The following OLFM3 variants were observed in gnomAD, a reference collection of about 807,000 sequenced individuals.
OLFM3 encodes noelin-3.
OLFM3 carries 20 observed loss-of-function variants against 48.6 expected under a neutral mutation model. The ratio of observed to expected loss-of-function variants is 0.41; its 90% CI spans 0.29 to 0.60. OLFM3 has a LOEUF of 0.60. Ranked by LOEUF, OLFM3 falls within the 20% of genes least tolerant of loss-of-function variation. The pLI is 0.28. For missense variants in OLFM3, 437 were observed against 544.3 expected (o/e 0.80, Z 1.96); for synonymous variants, 222 against 198.1 (o/e 1.12, Z -1.01).
chr1:101,970,070 C>T (rs1660737492), intron 1 of OLFM3, among the ~76,000 whole-genome samples: 1 of 151,326 alleles, frequency 6.6e-6, no homozygotes. Context: ...GGCTGGAGTG[C>T]AGTGGCTTGA....
At chr1:101,915,845 C>T (rs888046271) in intron 1 of OLFM3, among the ~76,000 whole-genome samples, 3 of 152,018 alleles carry the variant, frequency 2.0e-5, no homozygotes, top group Non-Finnish European at 2.9e-5. Context: ...TGAATTAATG[C>T]CAGATTTATC....
At chr1:101,974,415 T>A (rs1660892524) in intron 1 of OLFM3, among the ~76,000 whole-genome samples, 1 of 152,202 alleles carries the variant, frequency 6.6e-6, no homozygotes, top group Non-Finnish European at 1.5e-5. Flanking sequence ...ATTCCTCAGA[T>A]CAATAATTTC....
chr1:101,915,124 C>T (rs181731470), intron 1 of OLFM3, among the ~76,000 whole-genome samples: 48 of 152,104 alleles, frequency 3.2e-4, no homozygotes, highest in African/African-American at 8.7e-4. Flanking sequence ...ATTCAGTGTA[C>T]GCAATACAAC....
intron 1 of OLFM3, among the ~76,000 whole-genome samples, chr1:101,857,133 A>G (rs905348496): frequency 4.6e-5 from 7 of 151,988 alleles, no homozygotes; most frequent in African/African-American, 1.5e-4. Flanking sequence ...TTCTTTGTCA[A>G]TGTACATCTG....
At chr1:101,837,386 TAAC>T (rs894094588) in intron 1 of OLFM3, among the ~76,000 whole-genome samples, 31 of 152,256 alleles carry the variant, frequency 2.0e-4, no homozygotes, top group African/African-American at 7.2e-4. Context: ...AAGATCTTCT[TAAC>T]AGTAAATGAC....
chr1:101,922,283 C>T (rs143018322), intron 1 of OLFM3, among the ~76,000 whole-genome samples: 6 of 152,164 alleles, frequency 3.9e-5, no homozygotes, highest in East Asian at 3.9e-4. Flanking sequence ...ACATGTAAAG[C>T]GCTTTAGTTT....
intron 1 of OLFM3, among the ~76,000 whole-genome samples, chr1:101,861,568 T>C (rs1656658274): frequency 6.6e-6 from 1 of 152,216 alleles, no homozygotes; most frequent in Non-Finnish European, 1.5e-5. Context: ...GATAAAGCTA[T>C]TCCCATATGA....
At chr1:101,898,145 GT>G (rs1367510063) in intron 1 of OLFM3, among the ~76,000 whole-genome samples, 2 of 152,112 alleles carry the variant, frequency 1.3e-5, no homozygotes, top group Non-Finnish European at 2.9e-5. Context: ...GAAAAAAAGT[GT>G]TTTGGAGAAG....
At chr1:101,996,651 T>C (rs1461984018) in intron 1 of OLFM3, 97 bp downstream of exon 1, 3 of 1,262,302 alleles carry the variant, frequency 2.4e-6, no homozygotes, top group Non-Finnish European at 3.4e-6. Context: ...GAAAGAGCTG[T>C]CTCTCGTCCC....
intron 1 of OLFM3, among the ~76,000 whole-genome samples, chr1:101,858,126 T>A (rs1656504681): frequency 6.6e-6 from 1 of 152,110 alleles, no homozygotes; most frequent in Non-Finnish European, 1.5e-5. Flanking sequence ...TAGCTTTTTC[T>A]TACAGGACTG....
At chr1:101,978,632 G>A (rs1354576553) in intron 1 of OLFM3, among the ~76,000 whole-genome samples, 2 of 152,010 alleles carry the variant, frequency 1.3e-5, no homozygotes, top group Non-Finnish European at 2.9e-5. Flanking sequence ...GATCATTGAG[G>A]TTTCACTCTT....
chr1:101,933,739 A>C (rs775990744), intron 1 of OLFM3, among the ~76,000 whole-genome samples: 15 of 152,166 alleles, frequency 9.9e-5, no homozygotes, highest in Non-Finnish European at 1.5e-4. Context: ...CTACAAAGGG[A>C]ACCCCATCAG....
chr1:101,972,291 C>G lies in OLFM3; in HGVS notation c.69+24457G>C, dbSNP rs115995648. ...TCTCACTTTATAGTAGAAATTATCC[C>G]TTTGTGAATACTGAATGTCTTTATC... On this transcript the variant is annotated intron_variant, in intron 1 of 5. Transcript: ENST00000370103. Among the ~76,000 whole-genome samples the G allele has an allele frequency of 6.8e-3, 1,040 of 152,244 alleles. 10 individuals carry two copies. The highest frequency in any genetic ancestry group is 0.024 in the African/African-American group (996 of 41,558).
intron 1 of OLFM3, among the ~76,000 whole-genome samples, chr1:101,940,166 T>C (rs891417236): frequency 6.6e-5 from 10 of 152,202 alleles, no homozygotes; most frequent in African/African-American, 9.6e-5. Context: ...GGAGAAGTTA[T>C]AGAGAGATGT....
intron 1 of OLFM3, among the ~76,000 whole-genome samples, chr1:101,925,147 G>C (rs1010712633): frequency 6.6e-6 from 1 of 152,128 alleles, no homozygotes; most frequent in Non-Finnish European, 1.5e-5. Context: ...GCTTGGGAAG[G>C]AGAATAGAAT....
intron 1 of OLFM3, among the ~76,000 whole-genome samples, chr1:101,859,448 T>A (rs1387005753): frequency 6.6e-6 from 1 of 152,048 alleles, no homozygotes; most frequent in Non-Finnish European, 1.5e-5. Context: ...ATTTTGTGAA[T>A]AATTAGATGC....
At chr1:101,910,188 C>A (rs1452923419) in intron 1 of OLFM3, 3 of 967,242 alleles carry the variant, frequency 3.1e-6, no homozygotes, top group Non-Finnish European at 3.7e-6. Context: ...CATTCTCGAC[C>A]GGGCGCGGTC....
intron 1 of OLFM3, among the ~76,000 whole-genome samples, chr1:101,990,675 T>C (rs1369337344): frequency 6.6e-6 from 1 of 151,952 alleles, no homozygotes; most frequent in Non-Finnish European, 1.5e-5. Context: ...CATAATAGCA[T>C]TAGTTTCGTT....
intron 1 of OLFM3, among the ~76,000 whole-genome samples, chr1:101,915,027 C>T (rs985107567): frequency 6.6e-6 from 1 of 152,106 alleles, no homozygotes; most frequent in Non-Finnish European, 1.5e-5. Flanking sequence ...GTAAAGTCAG[C>T]AAACATTAAC....
Sources: allele counts gnomAD v4.1 joint callset (sites outside exome capture counted in the v4.1 genomes callset), GRCh38; gene constraint gnomAD v4.1.1; transcripts MANE v1.5; gene names NCBI Gene and HGNC (gene_info 2026-07-23, HGNC 2026-07-21).